The following SEC63 variants were observed in gnomAD, a reference collection of about 807,000 sequenced individuals.
SEC63 encodes the protein translocation protein SEC63 homolog.
Under a neutral mutation model 116.2 loss-of-function variants are expected in SEC63, and 56 were observed. The observed-to-expected ratio is 0.48, with a 90% CI of 0.39 to 0.60. The LOEUF (loss-of-function observed/expected upper bound fraction) is 0.60. Among genes scored for constraint, SEC63 ranks in the 20% least tolerant of loss-of-function variants. The probability of loss-of-function intolerance (pLI) is 0.00; values close to 1 mark genes in which losing one functional copy is unlikely to be tolerated. For synonymous variants in SEC63, 273 were observed against 294.6 expected (o/e 0.93, Z 0.75); for missense variants, 668 against 900.0 (o/e 0.74, Z 3.30).
chr6:107,909,297 G>A (rs1223702762), intron 7 of SEC63: 2 of 391,230 alleles, frequency 5.1e-6, no homozygotes, highest in South Asian at 2.2e-5. Context: ...AAGATTGCTA[G>A]AGTCCAGGAG....
intron 1 of SEC63, among the ~76,000 whole-genome samples, chr6:107,953,566 A>AG (rs1770626007): frequency 5.6e-5 from 6 of 107,446 alleles, no homozygotes; most frequent in African/African-American, 3.3e-4. Flanking sequence ...TCCGGGAGGG[A>AG]GGTGGGGGGG....
At chr6:107,914,233 T>C (rs1787350132) in intron 4 of SEC63, among the ~76,000 whole-genome samples, 1 of 152,120 alleles carries the variant, frequency 6.6e-6, no homozygotes. Flanking sequence ...TTAAGGAATA[T>C]AAGGCAGAAA....
chr6:107,920,374 C>T (rs1388146436), intron 4 of SEC63, among the ~76,000 whole-genome samples: 2 of 141,546 alleles, frequency 1.4e-5, no homozygotes, highest in Non-Finnish European at 3.0e-5. Flanking sequence ...TGCAGTGAGC[C>T]GAGATAGCGC....
Position 107,869,595 on chromosome 6 carries a change from C to G in SEC63, c.*2109G>C, listed in dbSNP as rs1051633501. The stretch of plus-strand genomic sequence containing the variant: ...AACGAAGGGATGTGGAGTTTAGCGA[C>G]TTGCTGGAGAGAGAAGAACTATCAA... On this transcript the variant is annotated 3_prime_UTR_variant, in exon 21 of 21. Transcript: ENST00000369002. The G allele has an allele frequency of 6.6e-6, 1 of 152,142 alleles. No homozygotes were observed. Among genetic ancestry groups the G allele is most frequent in the African/African-American group, 2.4e-5 (1 of 41,442 alleles). 9.4% of individuals were successfully genotyped at this position (152,142 alleles called of 1,614,324 possible).
At position 107,882,879 on chromosome 6, in the gene SEC63, A is replaced by G. The variant is rs142257754; in HGVS notation, c.1833+109T>C. The G allele has an allele frequency of 5.2e-4, 369 of 716,356 alleles. 1 individual carries two copies. In the African/African-American group the frequency reaches 5.5e-3, roughly 11 times the overall value. The allele number at this position is 716,356 out of a possible 1,614,324, so 44.4% of individuals were successfully genotyped here. A position where few individuals can be genotyped will look rare whatever the true frequency, so the allele number is the denominator to read the frequency against. ...ATTATAAAATATACAGATATTATTT[A>G]AAGAAAGCAAGCGAGCAAGCAAACA... On this transcript the variant is annotated intron_variant, in intron 17 of 20. Coordinates refer to ENST00000369002, the MANE Select transcript of SEC63 (RefSeq NM_007214.5).
At position 107,872,834 on chromosome 6, in the gene SEC63, C is replaced by A. The variant is rs780527173; in HGVS notation, c.2113G>T (p.Gly705Cys). 1 of 1,555,932 alleles carries A rather than the reference C, an allele frequency of 6.4e-7. No homozygotes were observed. The highest frequency in any genetic ancestry group is 8.7e-7 in the Non-Finnish European group (1 of 1,145,452). ...TVFLRSDSYM[G>C]LDQIKPLKLE... ...TTCAATGGTTTAATCTGATCCAAACCCATATAGGAGTCTGATCTCAGAAAC... is the reference window on the plus strand; with the variant it reads ...TTCAATGGTTTAATCTGATCCAAACACATATAGGAGTCTGATCTCAGAAAC... Residue 705 changes from glycine to cysteine, a missense_variant, in exon 20 of 21, where the codon GGT (glycine) becomes TGT (cysteine). Physicochemically the swap from Gly to Cys is radical, Grantham distance 159. Transcript: ENST00000369002.
At chr6:107,875,153 T>A (rs187658764) in intron 19 of SEC63, among the ~76,000 whole-genome samples, 21 of 152,120 alleles carry the variant, frequency 1.4e-4, no homozygotes, top group African/African-American at 5.1e-4. Flanking sequence ...TGTAAGCCAC[T>A]GCACCCAGCC....
At chr6:107,948,677 TCTGA>T (rs1183002048) in intron 1 of SEC63, among the ~76,000 whole-genome samples, 2 of 152,164 alleles carry the variant, frequency 1.3e-5, no homozygotes, top group Admixed American at 6.5e-5. Flanking sequence ...TCAAGGTCTC[TCTGA>T]CTTTCCTCCC....
Position 107,958,130 on chromosome 6 carries a change from C to G in SEC63, c.-121G>C, listed in dbSNP as rs1770752728. Reference sequence around the variant, plus strand: ...GGACACTGCCGCCGCCGCCTCTCCTCCCCGCCCCCACGCCACTCTCACGGA... The same window carrying G: ...GGACACTGCCGCCGCCGCCTCTCCTGCCCGCCCCCACGCCACTCTCACGGA... On this transcript the variant is annotated 5_prime_UTR_variant, in exon 1 of 21. Coordinates refer to ENST00000369002, the MANE Select transcript of SEC63 (RefSeq NM_007214.5). 6.8e-7 allele frequency: 1 copy of G among 1,471,386 alleles called. No individual in the cohort carries two copies. Among genetic ancestry groups the G allele is most frequent in the South Asian group, 1.1e-5 (1 of 87,022 alleles). 91.1% of individuals were successfully genotyped at this position (1,471,386 alleles called of 1,614,324 possible).
At chr6:107,940,585 G>A (rs562678086) in intron 1 of SEC63, among the ~76,000 whole-genome samples, 1 of 150,266 alleles carries the variant, frequency 6.7e-6, no homozygotes, top group South Asian at 2.1e-4. Flanking sequence ...ATGTCCTCTG[G>A]GACACAAAAT....
chr6:107,933,268 G>T (rs1338956515), intron 1 of SEC63, among the ~76,000 whole-genome samples: 3 of 152,136 alleles, frequency 2.0e-5, no homozygotes, highest in Non-Finnish European at 2.9e-5. Context: ...CATGACTTTG[G>T]CCCAAAGAAA....
chr6:107,891,761 G>A (rs150260322), intron 16 of SEC63, among the ~76,000 whole-genome samples: 159 of 152,266 alleles, frequency 1.0e-3, no homozygotes, highest in Middle Eastern at 3.4e-3. Context: ...CGTCCTTTTT[G>A]TTGGTGTTGA....
At chr6:107,901,965 T>C (rs958594448) in intron 12 of SEC63, among the ~76,000 whole-genome samples, 26 of 152,144 alleles carry the variant, frequency 1.7e-4, no homozygotes, top group African/African-American at 6.3e-4. Flanking sequence ...TTCAAAGTTT[T>C]ACTATGCAAT....
At chr6:107,886,449 T>A (rs1377775469) in intron 16 of SEC63, among the ~76,000 whole-genome samples, 1 of 152,234 alleles carries the variant, frequency 6.6e-6, no homozygotes. Flanking sequence ...TCCACAAGGG[T>A]TGAACTAGTT....
chr6:107,891,859 C>T (rs563260234), intron 16 of SEC63, among the ~76,000 whole-genome samples: 36 of 152,176 alleles, frequency 2.4e-4, no homozygotes, highest in Non-Finnish European at 5.0e-4. Flanking sequence ...TGCTCCAGAC[C>T]CTCTTTGCCT....
At chr6:107,923,646 T>C (rs1787605758) in intron 3 of SEC63, among the ~76,000 whole-genome samples, 1 of 151,702 alleles carries the variant, frequency 6.6e-6, no homozygotes, top group Admixed American at 6.6e-5. Context: ...CACTTTGGCC[T>C]CCCAAGTAGC....
At position 107,871,639 on chromosome 6, in the gene SEC63, T is replaced by C; in HGVS notation, c.*65A>G. 1 of 1,525,206 alleles carries C rather than the reference T, an allele frequency of 6.6e-7. No homozygotes were observed. Among genetic ancestry groups the C allele is most frequent in the Admixed American group, 1.7e-5 (1 of 59,902 alleles). The allele number at this position is 1,525,206 out of a possible 1,614,324, so 94.5% of individuals were successfully genotyped here. On this transcript the variant is annotated 3_prime_UTR_variant, in exon 21 of 21. Coordinates refer to ENST00000369002, the MANE Select transcript of SEC63 (RefSeq NM_007214.5). ...GTTCTGTACTGTTTCTGGTTTATGA[T>C]ACACTTCCAAAACAGCAAAAAATTG...
chr6:107,869,342 A>G lies in SEC63; in HGVS notation c.*2362T>C, dbSNP rs1357283577. The G allele has an allele frequency of 6.6e-6, 1 of 152,196 alleles. No homozygotes were observed. Among genetic ancestry groups the G allele is most frequent in the Non-Finnish European group, 1.5e-5 (1 of 68,038 alleles). 9.4% of individuals were successfully genotyped at this position (152,196 alleles called of 1,614,324 possible). On this transcript the variant is annotated 3_prime_UTR_variant, in exon 21 of 21. Coordinates refer to ENST00000369002, the MANE Select transcript of SEC63 (RefSeq NM_007214.5). ...AACTGCTACACTTTGAATTGTGGTA[A>G]GTCTCCTCATGAACAGCTGTATTTT...
chr6:107,877,467 C>T (rs918939353), intron 18 of SEC63: 2 of 152,266 alleles, frequency 1.3e-5, no homozygotes, highest in Admixed American at 1.3e-4. Context: ...GAGACAGGGT[C>T]TCACTCTGTC....
Sources: gnomAD v4.1 joint callset for allele counts (sites outside exome capture counted in the v4.1 genomes callset) on GRCh38, gnomAD v4.1.1 for gene constraint, MANE v1.5 for transcripts, NCBI Gene and HGNC (gene_info 2026-07-23, HGNC 2026-07-21) for gene names.